Variants in TEX14 observed in about 807,000 individuals in gnomAD.
The protein encoded by TEX14 is testis expressed 14, intercellular bridge forming factor.
TEX14 carries 168 observed loss-of-function variants against 178.6 expected under a neutral mutation model. That is an observed-to-expected ratio of 0.94 (90% confidence interval 0.83 to 1.07). The LOEUF (loss-of-function observed/expected upper bound fraction) is 1.07. Ranked by LOEUF, TEX14 falls within the 50% of genes least tolerant of loss-of-function variation. The pLI is 0.00. For missense variants in TEX14, 1,730 were observed against 1,753.6 expected, an observed-to-expected ratio of 0.99 and a Z score of 0.24; for synonymous variants, 626 against 634.1, an observed-to-expected ratio of 0.99 and a Z score of 0.19.
intron 1 of TEX14, chr17:58,660,976 T>G: frequency 1.7e-6 from 2 of 1,164,176 alleles, no homozygotes; most frequent in Non-Finnish European, 2.6e-6. Context: ...TCTCAATCTC[T>G]TCTAAGCTGA....
At chr17:58,657,988 A>G (rs1489937948) in intron 1 of TEX14, among the ~76,000 whole-genome samples, 1 of 152,192 alleles carries the variant, frequency 6.6e-6, no homozygotes, top group Non-Finnish European at 1.5e-5. Context: ...CACCACCCAG[A>G]TCAATAAACT....
At chr17:58,609,772 T>C (rs1430943088) in intron 10 of TEX14, among the ~76,000 whole-genome samples, 1 of 152,184 alleles carries the variant, frequency 6.6e-6, no homozygotes, top group Non-Finnish European at 1.5e-5. Context: ...AAAAAACATA[T>C]GCTGAGTGCA....
chr17:58,684,181 G>T (rs1038033150), intron 1 of TEX14, among the ~76,000 whole-genome samples: 2 of 151,902 alleles, frequency 1.3e-5, no homozygotes, highest in African/African-American at 2.4e-5. Context: ...GCTTCCGCCC[G>T]GCATGGTGAC....
Position 58,581,467 on chromosome 17 carries a change from A to G in TEX14, c.3172-1736T>C, listed in dbSNP as rs193181102. The G allele has an allele frequency of 3.5e-4, 308 of 879,108 alleles. 3 individuals are homozygous for G. The East Asian group carries it at 5.6e-3, about 16-fold the overall frequency. 54.5% of individuals were successfully genotyped at this position (879,108 alleles called of 1,614,324 possible). ...AAAACACGTATGAATGCATGGGTTCATATCACACTCCTGACACCAAAAAAG... is the reference window on the plus strand; with the variant it reads ...AAAACACGTATGAATGCATGGGTTCGTATCACACTCCTGACACCAAAAAAG... On this transcript the variant is annotated intron_variant, in intron 19 of 31. Transcript: ENST00000349033.
At chr17:58,572,169 T>C in intron 23 of TEX14, 43 bp from the exon 24 acceptor site, 1 of 1,419,774 alleles carries the variant, frequency 7.0e-7, no homozygotes, top group Non-Finnish European at 9.7e-7. Flanking sequence ...ATCCTTTATA[T>C]TATTTCTCCT....
chr17:58,670,503 G>A (rs1178508381), intron 1 of TEX14, among the ~76,000 whole-genome samples: 2 of 151,966 alleles, frequency 1.3e-5, no homozygotes, highest in East Asian at 1.9e-4. Flanking sequence ...GCCAGGAGCC[G>A]TGGCTCACGC....
Position 58,661,488 on chromosome 17 carries a change from G to T in TEX14, c.-1-9486C>A, listed in dbSNP as rs757381277. The T allele has an allele frequency of 5.1e-6, 4 of 781,090 alleles. No homozygotes were observed. In the South Asian group the frequency reaches 5.4e-5, roughly 10 times the overall value. 48.4% of individuals were successfully genotyped at this position (781,090 alleles called of 1,614,324 possible). On this transcript the variant is annotated intron_variant, in intron 1 of 31. Transcript: ENST00000349033. ...TTGAACACCTTTTCCTGGACTATTCGGGAACCGGTGGGTTCAGTCGCTCCT... is the reference window on the plus strand; with the variant it reads ...TTGAACACCTTTTCCTGGACTATTCTGGAACCGGTGGGTTCAGTCGCTCCT...
Position 58,606,120 on chromosome 17 carries a change from T to C in TEX14, c.1185-991A>G, listed in dbSNP as rs1237626121. On this transcript the variant is annotated intron_variant, in intron 10 of 31. Coordinates refer to ENST00000349033, the MANE Select transcript of TEX14 (RefSeq NM_031272.5). ...CTCAGTTTAGCACTCAAGGGTTCAC[T>C]CATATGCTTAAATAACTCTTCCCAA... Among the ~76,000 whole-genome samples the C allele has an allele frequency of 2.0e-5, 3 of 152,316 alleles. No individual in the cohort carries two copies. The East Asian group carries it at 5.8e-4, about 29-fold the overall frequency.
rs2045885265 is a variant in TEX14 at position 58,616,890 on chromosome 17, T to C, written c.637-585A>G. ...ATTGTGGTCCCCACAGCACCCAGGA[T>C]TGTGTGCGGCCAAATCTGATATTCC... On this transcript the variant is annotated intron_variant, in intron 6 of 31. Coordinates refer to ENST00000349033, the MANE Select transcript of TEX14 (RefSeq NM_031272.5). 2.6e-5 allele frequency among the ~76,000 whole-genome samples: 4 copies of C among 152,162 alleles called. No homozygotes were observed. The South Asian group carries it at 8.3e-4, about 32-fold the overall frequency.
At chr17:58,681,913 A>C (rs2047507578) in intron 1 of TEX14, among the ~76,000 whole-genome samples, 3 of 152,152 alleles carry the variant, frequency 2.0e-5, no homozygotes, top group Non-Finnish European at 2.9e-5. Context: ...GGGAAAAGGT[A>C]ATGTATGTGA....
At chr17:58,685,241 C>T (rs1165940706) in intron 1 of TEX14, among the ~76,000 whole-genome samples, 1 of 151,900 alleles carries the variant, frequency 6.6e-6, no homozygotes, top group Non-Finnish European at 1.5e-5. Context: ...CAAGATCAGC[C>T]TGGCCAACAT....
At chr17:58,685,719 C>T (rs746581441) in intron 1 of TEX14, among the ~76,000 whole-genome samples, 18 of 151,610 alleles carry the variant, frequency 1.2e-4, no homozygotes, top group Non-Finnish European at 2.1e-4. Flanking sequence ...AGGCGAGGTG[C>T]GGTGCCTCAT....
chr17:58,586,143 C>A, intron 17 of TEX14, 61 bp from the exon 18 acceptor site: 1 of 1,505,594 alleles, frequency 6.6e-7, no homozygotes, highest in South Asian at 1.3e-5. Context: ...CACAGGCTTT[C>A]ATCTAAAAGA....
At chr17:58,622,734 A>G in intron 4 of TEX14, 113 bp downstream of exon 4, 3 of 1,056,306 alleles carry the variant, frequency 2.8e-6, no homozygotes, top group East Asian at 2.6e-5. Flanking sequence ...CAAGCCTGAG[A>G]CTCCAGTACC....
chr17:58,559,543 G>A lies in TEX14; in HGVS notation c.4177C>T (p.Gln1393Ter). The A allele has an allele frequency of 6.5e-7, 1 of 1,549,956 alleles. No homozygotes were observed. The highest frequency in any genetic ancestry group is 8.9e-7 in the Non-Finnish European group (1 of 1,124,128). ...GSERETNIKDQKVGEEKRKRE... is the reference protein window; with the variant it reads ...GSERETNIKD ...TTTCTTTTCTCTTCACCAACTTTTT[G>A]ATCTTTGATATTTGTCTCCCTGTAA... The change falls in exon 30 of 32, where the codon CAA becomes TAA. Residue 1393 changes from glutamine to a stop codon, truncating the protein, a stop_gained. Transcript: ENST00000349033. LOFTEE classifies it high-confidence loss of function.
Position 58,599,712 on chromosome 17 carries a change from T to C in TEX14, c.1679-46A>G, listed in dbSNP as rs143469136. On this transcript the variant is annotated intron_variant, in intron 13 of 31. Coordinates refer to ENST00000349033, the MANE Select transcript of TEX14 (RefSeq NM_031272.5). ...ATGCAACTCATTAAAATGAACATAT[T>C]TGGCAGCTAAGCAGCCTTGGCTTGT... is the stretch of plus-strand genomic sequence containing the variant. The C allele has an allele frequency of 9.1e-5, 139 of 1,522,506 alleles. No individual in the cohort carries two copies. In the East Asian group the frequency reaches 1.7e-3, roughly 18 times the overall value. 94.3% of individuals were successfully genotyped at this position (1,522,506 alleles called of 1,614,324 possible). A position where few individuals can be genotyped will look rare whatever the true frequency, so the allele number is the denominator to read the frequency against.
chr17:58,673,908 G>T (rs1182705029), intron 1 of TEX14, among the ~76,000 whole-genome samples: 2 of 152,108 alleles, frequency 1.3e-5, no homozygotes, highest in Non-Finnish European at 2.9e-5. Context: ...TATCTGTGGG[G>T]TAACTATATG....
Position 58,560,675 on chromosome 17 carries a change from C to CT in TEX14, c.4157+844dup, listed in dbSNP as rs142364458. Among the ~76,000 whole-genome samples, 1,240 of 152,338 alleles carry CT rather than the reference C, an allele frequency of 8.1e-3. 20 individuals are homozygous for CT. The highest frequency in any genetic ancestry group is 0.028 in the African/African-American group (1,153 of 41,576). On this transcript the variant is annotated intron_variant, in intron 29 of 31. Transcript: ENST00000349033. ...TCCATCTGCCTTTCTCAGGCTGAGC[C>CT]TCTCAGCTCCTTCAGCTGTTCTCAT...
At chr17:58,666,458 C>CAAACAAAAAAA (rs1555583923) in intron 1 of TEX14, 13 of 36,812 alleles carry the variant, frequency 3.5e-4, no homozygotes, top group Admixed American at 5.2e-4. Context: ...CCTTCCACGG[C>CAAACAAAAAAA]AAAAAAAAAA....
Sources: allele counts gnomAD v4.1 joint callset (sites outside exome capture counted in the v4.1 genomes callset), GRCh38; gene constraint gnomAD v4.1.1; transcripts MANE v1.5; gene names NCBI Gene and HGNC (gene_info 2026-07-23, HGNC 2026-07-21).